The following RAB10 variants were observed in gnomAD, a reference collection of about 807,000 sequenced individuals.
RAB10 encodes the protein ras-related protein Rab-10.
A neutral mutation model predicts 25.7 loss-of-function variants in RAB10; 5 were observed. That is an observed-to-expected ratio of 0.19 (90% CI 0.10 to 0.41). The LOEUF is 0.41. RAB10 is among the 10% of genes least tolerant of loss of function. The pLI is 1.00. For synonymous variants in RAB10, 89 were observed against 86.4 expected (o/e 1.03, Z -0.16); for missense variants, 103 against 245.8 (o/e 0.42, Z 3.89).
Position 26,034,532 on chromosome 2 carries a change from G to A in RAB10, c.-77G>A. 1 of 1,586,872 alleles carries A rather than the reference G, an allele frequency of 6.3e-7. No homozygotes were observed. The stretch of plus-strand genomic sequence containing the variant: ...CCGGTCCTCCGGCCTGAGAACGCCC[G>A]AGTGAGGAGTTGGCCGTAGTGAGAG... On this transcript the variant is annotated 5_prime_UTR_variant, in exon 1 of 6. Coordinates refer to ENST00000264710, the MANE Select transcript of RAB10 (RefSeq NM_016131.5).
intron 1 of RAB10, among the ~76,000 whole-genome samples, chr2:26,094,486 A>G (rs1205288040): frequency 1.3e-5 from 2 of 152,154 alleles, no homozygotes; most frequent in African/African-American, 4.8e-5. Context: ...TCCTGACCTC[A>G]GGTGACCCTG....
At chr2:26,067,421 T>C (rs1238402839) in intron 1 of RAB10, among the ~76,000 whole-genome samples, 1 of 152,188 alleles carries the variant, frequency 6.6e-6, no homozygotes, top group Non-Finnish European at 1.5e-5. Context: ...CTCATACACA[T>C]TTCCTATGTA....
chr2:26,101,654 G>A (rs1403449296), intron 2 of RAB10: 2 of 152,206 alleles, frequency 1.3e-5, no homozygotes, highest in African/African-American at 2.4e-5. Flanking sequence ...GGGACTGTGG[G>A]TCTTAATGAT....
intron 3 of RAB10, among the ~76,000 whole-genome samples, chr2:26,124,389 C>G: frequency 5.1e-5 from 1 of 19,678 alleles, no homozygotes; most frequent in East Asian, 2.4e-3. Flanking sequence ...GTTGTTGTTG[C>G]TTTTTTTTTT....
At chr2:26,074,063 T>G (rs1666683331) in intron 1 of RAB10, among the ~76,000 whole-genome samples, 1 of 152,084 alleles carries the variant, frequency 6.6e-6, no homozygotes, top group African/African-American at 2.4e-5. Flanking sequence ...TCAGCAAGAT[T>G]GACATGATGA....
chr2:26,065,455 G>T (rs1666494360), intron 1 of RAB10, among the ~76,000 whole-genome samples: 1 of 151,356 alleles, frequency 6.6e-6, no homozygotes, highest in South Asian at 2.1e-4. Flanking sequence ...GCAAGCTTTT[G>T]TTTTCAACAA....
Position 26,112,725 on chromosome 2 carries a change from T to C in RAB10, c.327+2819T>C, listed in dbSNP as rs1377310394. ...CTGCAGTGAGCTATTATCATACCAC[T>C]GTGCTTCAGCCTGGGTGACAGAGTG... On this transcript the variant is annotated intron_variant, in intron 3 of 5. Coordinates refer to ENST00000264710, the MANE Select transcript of RAB10 (RefSeq NM_016131.5). Among the ~76,000 whole-genome samples the C allele has an allele frequency of 2.0e-5, 3 of 152,124 alleles. No individual in the cohort carries two copies. In the East Asian group the frequency reaches 5.8e-4, roughly 29 times the overall value.
In RAB10 at chr2:26,136,301, T is replaced by A. The variant is rs1042680015; in HGVS notation, c.*1280T>A. On this transcript the variant is annotated 3_prime_UTR_variant, in exon 6 of 6. Coordinates refer to ENST00000264710, the MANE Select transcript of RAB10 (RefSeq NM_016131.5). The stretch of plus-strand genomic sequence containing the variant: ...GAAGGAGGAGTGAATTTTATTAACA[T>A]GTTTGCCAAATGTATTGAGATTTGG... 3.0e-4 allele frequency: 46 copies of A among 152,760 alleles called. No individual in the cohort carries two copies. The highest frequency in any genetic ancestry group is 9.1e-4 in the African/African-American group (38 of 41,582). 9.5% of individuals were successfully genotyped at this position (152,760 alleles called of 1,614,324 possible).
intron 1 of RAB10, among the ~76,000 whole-genome samples, chr2:26,051,052 C>T (rs1331730508): frequency 6.6e-6 from 1 of 152,004 alleles, no homozygotes; most frequent in Non-Finnish European, 1.5e-5. Context: ...ATCTTCCCAC[C>T]TCGGCCTCCT....
At chr2:26,084,730 C>A (rs550214940) in intron 1 of RAB10, among the ~76,000 whole-genome samples, 2 of 90,592 alleles carry the variant, frequency 2.2e-5, no homozygotes, top group Non-Finnish European at 4.6e-5. Flanking sequence ...GTCGTTATAT[C>A]CCTTTTCATC....
chr2:26,105,629 G>A (rs1281235038), intron 2 of RAB10, among the ~76,000 whole-genome samples: 3 of 152,082 alleles, frequency 2.0e-5, no homozygotes, highest in African/African-American at 7.2e-5. Context: ...TACTCTGTGA[G>A]ACTCCGTCTC....
chr2:26,041,516 C>A (rs1162607242), intron 1 of RAB10, among the ~76,000 whole-genome samples: 1 of 134,186 alleles, frequency 7.5e-6, no homozygotes, highest in Non-Finnish European at 1.5e-5. Flanking sequence ...GCACTCAAGC[C>A]TGGGTGACAA....
intron 1 of RAB10, among the ~76,000 whole-genome samples, chr2:26,043,204 G>A (rs1168900271): frequency 1.3e-5 from 2 of 152,034 alleles, no homozygotes; most frequent in Non-Finnish European, 1.5e-5. Context: ...AGATTACTTG[G>A]GCTCAGGAGT....
chr2:26,039,395 G>T (rs1665835583), intron 1 of RAB10, among the ~76,000 whole-genome samples: 1 of 151,752 alleles, frequency 6.6e-6, no homozygotes, highest in African/African-American at 2.4e-5. Context: ...GCCCAGGCTG[G>T]AGTGTAGTGG....
chr2:26,129,268 C>CAAAAAA (rs58007291), intron 5 of RAB10, among the ~76,000 whole-genome samples: 8 of 133,600 alleles, frequency 6.0e-5, no homozygotes, highest in African/African-American at 2.0e-4. Flanking sequence ...GACTCCATCT[C>CAAAAAA]AAAAAAAAAA....
At chr2:26,065,773 A>G (rs1033685849) in intron 1 of RAB10, among the ~76,000 whole-genome samples, 16 of 152,202 alleles carry the variant, frequency 1.1e-4, no homozygotes, top group African/African-American at 3.6e-4. Flanking sequence ...CAGATTTTAT[A>G]GTTCAGTTAC....
intron 3 of RAB10, among the ~76,000 whole-genome samples, chr2:26,117,116 C>A (rs545801486): frequency 2.0e-5 from 3 of 152,254 alleles, no homozygotes; most frequent in Admixed American, 1.3e-4. Context: ...ATTCTGTGGA[C>A]AAATACGTTA....
intron 1 of RAB10, among the ~76,000 whole-genome samples, chr2:26,035,026 C>T (rs1665734410): frequency 6.6e-6 from 1 of 152,172 alleles, no homozygotes; most frequent in African/African-American, 2.4e-5. Flanking sequence ...ACTGGACTGG[C>T]TTTTTCCACA....
chr2:26,060,112 A>T (rs776476703), intron 1 of RAB10, among the ~76,000 whole-genome samples: 12 of 152,124 alleles, frequency 7.9e-5, no homozygotes, highest in Non-Finnish European at 1.6e-4. Flanking sequence ...GAGTCTGAAG[A>T]AGCTTGTTTG....
Sources: gnomAD v4.1 joint callset for allele counts (sites outside exome capture counted in the v4.1 genomes callset) on GRCh38, gnomAD v4.1.1 for gene constraint, MANE v1.5 for transcripts, NCBI Gene and HGNC (gene_info 2026-07-23, HGNC 2026-07-21) for gene names.